TMEM132D: variants seen among roughly 807,000 people sequenced by gnomAD.
TMEM132D encodes the protein transmembrane protein 132D.
Under a neutral mutation model 62.3 loss-of-function variants are expected in TMEM132D, and 21 were observed. The ratio of observed to expected loss-of-function variants is 0.34; its 90% CI spans 0.24 to 0.49. The LOEUF (loss-of-function observed/expected upper bound fraction) is 0.49, where lower values mean the gene tolerates loss of function less well. Among genes scored for constraint, TMEM132D ranks in the 20% least tolerant of loss-of-function variants. The probability of loss-of-function intolerance (pLI) is 0.99; values close to 1 mark genes in which losing one functional copy is unlikely to be tolerated. For synonymous variants in TMEM132D, 621 were observed against 575.6 expected (o/e 1.08, Z -1.13); for missense variants, 1,346 against 1,402.8 (o/e 0.96, Z 0.65).
chr12:129,382,882 C>T (rs1195664323), intron 3 of TMEM132D, among the ~76,000 whole-genome samples: 1 of 152,134 alleles, frequency 6.6e-6, no homozygotes, highest in Non-Finnish European at 1.5e-5. Flanking sequence ...TCCGCTCAGT[C>T]TTTTGGTAGA....
chr12:129,368,907 T>C (rs181254364), intron 3 of TMEM132D, among the ~76,000 whole-genome samples: 1 of 152,178 alleles, frequency 6.6e-6, no homozygotes, highest in African/African-American at 2.4e-5. Flanking sequence ...TTAGAGGACA[T>C]GTATGCCTCT....
chr12:129,207,675 G>A lies in TMEM132D; in HGVS notation c.1443+1845C>T, dbSNP rs112436151. 1.7e-3 allele frequency among the ~76,000 whole-genome samples: 262 copies of A among 152,288 alleles called. 1 individual carries two copies. Among genetic ancestry groups the A allele is most frequent in the African/African-American group, 5.8e-3 (243 of 41,548 alleles). ...GGGCTGTGCCTAGCGTGAGGCCAGC[G>A]TTACAGCAGGTATGGCTGCAAAGGT... On this transcript the variant is annotated intron_variant, in intron 5 of 8. Transcript: ENST00000422113.
chr12:129,165,396 C>G (rs987410213), intron 5 of TMEM132D, among the ~76,000 whole-genome samples: 1 of 152,144 alleles, frequency 6.6e-6, no homozygotes, highest in African/African-American at 2.4e-5. Context: ...AAATTGAACT[C>G]TACGTAATGA....
chr12:129,190,722 C>A (rs1218292757), intron 5 of TMEM132D, among the ~76,000 whole-genome samples: 1 of 152,176 alleles, frequency 6.6e-6, no homozygotes, highest in Non-Finnish European at 1.5e-5. Flanking sequence ...TTGATTTTAG[C>A]CCAGCGCAAC....
rs75899335 is a variant in TMEM132D, at chr12:129,610,384, C to T, written c.969-79179G>A. Among the ~76,000 whole-genome samples, 642 of 152,172 alleles carry T rather than the reference C, an allele frequency of 4.2e-3. 1 individual carries two copies. Among genetic ancestry groups the T allele is most frequent in the African/African-American group, 0.015 (615 of 41,518 alleles). Reference sequence around the variant, plus strand: ...ACATTCTTCTATCTTAAACCCTGTACCCCAATCTCCCTAAATAGCTTCAAC... The same window carrying T: ...ACATTCTTCTATCTTAAACCCTGTATCCCAATCTCCCTAAATAGCTTCAAC... On this transcript the variant is annotated intron_variant, in intron 2 of 8. Transcript: ENST00000422113.
chr12:129,140,875 T>C (rs1459490288), intron 5 of TMEM132D, among the ~76,000 whole-genome samples: 4 of 152,040 alleles, frequency 2.6e-5, no homozygotes, highest in Non-Finnish European at 4.4e-5. Context: ...TTCACCCATA[T>C]TGTTGAAGGT....
At position 129,716,086 on chromosome 12, in the gene TMEM132D, A is replaced by G. The variant is rs939207755; in HGVS notation, c.80-15388T>C. ...AGATAAATCTCACTTTTTCACGTGCATCGTCCTAAAGTCTCCTAACTCCAG... is the reference window on the plus strand; with the variant it reads ...AGATAAATCTCACTTTTTCACGTGCGTCGTCCTAAAGTCTCCTAACTCCAG... On this transcript the variant is annotated intron_variant, in intron 1 of 8. Coordinates refer to ENST00000422113, the MANE Select transcript of TMEM132D (RefSeq NM_133448.3). Among the ~76,000 whole-genome samples the G allele has an allele frequency of 1.5e-4, 23 of 152,354 alleles. 1 individual carries two copies. The highest frequency in any genetic ancestry group is 1.4e-3 in the Admixed American group (22 of 15,304).
chr12:129,140,156 G>T (rs1876696751), intron 5 of TMEM132D, among the ~76,000 whole-genome samples: 1 of 151,558 alleles, frequency 6.6e-6, no homozygotes, highest in South Asian at 2.1e-4. Context: ...TTCTGTGAAT[G>T]CCGCAGTCAA....
At chr12:129,198,575 G>A (rs923041450) in intron 5 of TMEM132D, among the ~76,000 whole-genome samples, 3 of 152,166 alleles carry the variant, frequency 2.0e-5, no homozygotes, top group African/African-American at 7.2e-5. Flanking sequence ...GACAAATACT[G>A]CATGTTCTCA....
chr12:129,759,228 C>T (rs758375971), intron 1 of TMEM132D, among the ~76,000 whole-genome samples: 7 of 152,146 alleles, frequency 4.6e-5, no homozygotes, highest in Non-Finnish European at 5.9e-5. Flanking sequence ...GCCACCACGC[C>T]GGGTCACGTG....
At chr12:129,481,221 A>C (rs1195532901) in intron 3 of TMEM132D, among the ~76,000 whole-genome samples, 2 of 152,180 alleles carry the variant, frequency 1.3e-5, no homozygotes, top group Admixed American at 6.5e-5. Context: ...ACGGTGGCTC[A>C]CACTTGTAAC....
chr12:129,802,840 G>A lies in TMEM132D; in HGVS notation c.79+100421C>T, dbSNP rs909927346. Among the ~76,000 whole-genome samples the A allele has an allele frequency of 5.8e-3, 872 of 151,600 alleles. 13 individuals are homozygous for A. The highest frequency in any genetic ancestry group is 0.02 in the African/African-American group (833 of 41,178). Reference sequence around the variant, plus strand: ...ATAGGCTCAAAATAAAAGGATGGAGGAAGATCGACCAAGCAAATGGAAAAC... The same window carrying A: ...ATAGGCTCAAAATAAAAGGATGGAGAAAGATCGACCAAGCAAATGGAAAAC... On this transcript the variant is annotated intron_variant, in intron 1 of 8. Coordinates refer to ENST00000422113, the MANE Select transcript of TMEM132D (RefSeq NM_133448.3).
intron 3 of TMEM132D, among the ~76,000 whole-genome samples, chr12:129,367,565 T>A (rs116698712): frequency 6.4e-4 from 98 of 152,218 alleles, no homozygotes; most frequent in African/African-American, 2.4e-3. Flanking sequence ...AAGGGTCTTC[T>A]TCAGGTGTGA....
intron 3 of TMEM132D, among the ~76,000 whole-genome samples, chr12:129,512,459 A>G (rs1875522802): frequency 6.6e-6 from 1 of 152,244 alleles, no homozygotes; most frequent in Non-Finnish European, 1.5e-5. Context: ...CACAGAGACG[A>G]ACAAGATGAC....
chr12:129,839,288 C>A (rs1873108444), intron 1 of TMEM132D, among the ~76,000 whole-genome samples: 1 of 151,644 alleles, frequency 6.6e-6, no homozygotes, highest in South Asian at 2.1e-4. Context: ...TGCCACCATG[C>A]CTGGCTATTT....
At chr12:129,624,706 G>C (rs61943558) in intron 2 of TMEM132D, among the ~76,000 whole-genome samples, 29,097 of 140,690 alleles carry the variant, frequency 0.21, 3,437 homozygotes, top group Non-Finnish European at 0.28. Context: ...CAGCAAAAGA[G>C]TCCATGCTGT....
chr12:129,681,043 G>A (rs953973342), intron 2 of TMEM132D, among the ~76,000 whole-genome samples: 1 of 152,182 alleles, frequency 6.6e-6, no homozygotes, highest in Non-Finnish European at 1.5e-5. Context: ...AAAAGCCAGA[G>A]CTGGGTGATG....
intron 5 of TMEM132D, among the ~76,000 whole-genome samples, chr12:129,175,464 G>T (rs77164153): frequency 0.021 from 3,208 of 152,242 alleles, 122 homozygotes; most frequent in African/African-American, 0.073. Flanking sequence ...TAAGTGAAAA[G>T]GTTGTAAGAG....
intron 4 of TMEM132D, among the ~76,000 whole-genome samples, chr12:129,295,474 A>G (rs535377025): frequency 4.8e-5 from 6 of 125,670 alleles, no homozygotes; most frequent in Middle Eastern, 0.011. Flanking sequence ...CTTCTTGCCC[A>G]GGCTGGAGTG....
Sources: allele counts gnomAD v4.1 joint callset (sites outside exome capture counted in the v4.1 genomes callset), GRCh38; gene constraint gnomAD v4.1.1; transcripts MANE v1.5; gene names NCBI Gene and HGNC (gene_info 2026-07-23, HGNC 2026-07-21).